Variants in RPL21 observed in about 807,000 individuals in gnomAD.
RPL21 encodes ribosomal protein L21.
RPL21 carries 1 observed loss-of-function variant against 21.2 expected under a neutral mutation model. The observed-to-expected ratio is 0.05, with a 90% CI of 0.02 to 0.22. The LOEUF is 0.22. Ranked by LOEUF, RPL21 falls within the 10% of genes least tolerant of loss-of-function variation. RPL21 has a pLI of 1.00. For missense variants in RPL21, 113 were observed against 199.4 expected (o/e 0.57, Z 2.61); for synonymous variants, 52 against 62.9 (o/e 0.83, Z 0.82).
intron 1 of RPL21, 132 bp downstream of exon 1, chr13:27,251,717 G>C (rs1237540542): frequency 6.5e-6 from 1 of 152,780 alleles, no homozygotes; most frequent in African/African-American, 2.4e-5. Flanking sequence ...GGCATGGGCG[G>C]GTTAAACCAT....
At chr13:27,254,392 ATTT>A (rs555263610) in intron 3 of RPL21, 111 bp downstream of exon 3, 53 of 286,796 alleles carry the variant, frequency 1.8e-4, no homozygotes, top group Middle Eastern at 1.1e-3. Flanking sequence ...TATAGAATGG[ATTT>A]TTTTTTTTTT....
intron 1 of RPL21, among the ~76,000 whole-genome samples, chr13:27,253,378 GC>G (rs147774699): frequency 0.016 from 2,372 of 152,288 alleles, 65 homozygotes; most frequent in African/African-American, 0.053. Context: ...AAAATGTAAG[GC>G]TGTTTTATTG....
intron 4 of RPL21, chr13:27,255,837 G>A (rs558790366): frequency 8.7e-4 from 286 of 328,308 alleles, no homozygotes; most frequent in African/African-American, 5.5e-3. Context: ...CTCCCAAAGT[G>A]CTGGGATTAC....
In RPL21 at chr13:27,255,267, T is replaced by C; in HGVS notation, c.155T>C (p.Met52Thr). 4.2e-6 allele frequency: 6 copies of C among 1,412,794 alleles called. No individual in the cohort carries two copies. The highest frequency in any genetic ancestry group is 6.0e-6 in the Non-Finnish European group (6 of 996,418). The allele number at this position is 1,412,794 out of a possible 1,614,324, so 87.5% of individuals were successfully genotyped here. Residue 52 changes from methionine (M) to threonine (T), a missense_variant, in exon 4 of 6, where the codon ATG (methionine) becomes ACG (threonine). Transcript: ENST00000311549. Reference protein sequence around the residue: ...IKGMGTVQKGMPHKCYHGKTG... With the variant: ...IKGMGTVQKGTPHKCYHGKTG... ...GGAATGGGTACTGTTCAAAAAGGAA[T>C]GCCCCACAAGTGTTACCATGGCAAA...
chr13:27,254,151 G>C, intron 2 of RPL21, 69 bp from the exon 3 acceptor site: 1 of 970,000 alleles, frequency 1.0e-6, no homozygotes, highest in Non-Finnish European at 1.7e-6. Context: ...TTAAAAGCTA[G>C]TAAAATTGCA....
chr13:27,255,681 C>T (rs968006370), intron 4 of RPL21: 2 of 393,568 alleles, frequency 5.1e-6, no homozygotes, highest in African/African-American at 4.2e-5. Flanking sequence ...ACGCCATTCT[C>T]CTGCCTCAGC....
chr13:27,256,347 T>C lies in RPL21; in HGVS notation c.393+13T>C, dbSNP rs1002343812. ...ACTAAAGCGCCAGGTAAGAATTTGG[T>C]GTATATTTCATTGGTTCTGAGAGCA... On this transcript the variant is annotated intron_variant, in intron 5 of 5. Coordinates refer to ENST00000311549, the MANE Select transcript of RPL21 (RefSeq NM_000982.4). 1.4e-5 allele frequency: 23 copies of C among 1,609,358 alleles called. No individual in the cohort carries two copies. Among genetic ancestry groups the C allele is most frequent in the Non-Finnish European group, 1.9e-5 (22 of 1,176,230 alleles).
chr13:27,253,379 C>T (rs1174912734), intron 1 of RPL21, among the ~76,000 whole-genome samples: 2 of 147,562 alleles, frequency 1.4e-5, no homozygotes, highest in Non-Finnish European at 1.5e-5. Context: ...AAATGTAAGG[C>T]TGTTTTATTG....
chr13:27,255,624 T>C lies in RPL21; in HGVS notation c.242+270T>C, dbSNP rs998423166. 1.4e-4 allele frequency: 74 copies of C among 546,612 alleles called. No individual in the cohort carries two copies. In the Admixed American group the frequency reaches 1.5e-3, roughly 11 times the overall value. The allele number at this position is 546,612 out of a possible 1,614,324, so 33.9% of individuals were successfully genotyped here. A position where few individuals can be genotyped will look rare whatever the true frequency, so the allele number is the denominator to read the frequency against. On this transcript the variant is annotated intron_variant, in intron 4 of 5. Coordinates refer to ENST00000311549, the MANE Select transcript of RPL21 (RefSeq NM_000982.4). Reference sequence around the variant, plus strand: ...TCTTGCTCTGTCGCCCTGGCTGGAGTGCAGTGGTGGGATCTCTGCTCTCTG... The same window carrying C: ...TCTTGCTCTGTCGCCCTGGCTGGAGCGCAGTGGTGGGATCTCTGCTCTCTG...
chr13:27,256,376 T>G, intron 5 of RPL21, 42 bp downstream of exon 5: 1 of 1,595,308 alleles, frequency 6.3e-7, no homozygotes, highest in Middle Eastern at 1.7e-4. Context: ...GAGAGCACTT[T>G]AAGGTTGAGA....
intron 1 of RPL21, among the ~76,000 whole-genome samples, chr13:27,252,120 G>A (rs1323604629): frequency 6.6e-6 from 1 of 152,172 alleles, no homozygotes; most frequent in Non-Finnish European, 1.5e-5. Context: ...CTCTCGGTCG[G>A]AGAGTGGGTC....
rs190032357 is a variant in RPL21 at position 27,252,794 on chromosome 13, G to T, written c.-12-971G>T. ...TTGCTATACAATTTTTATAAAAATG[G>T]TACTTTGGGAGCCATTCTTAAAGGA... On this transcript the variant is annotated intron_variant, in intron 1 of 5. Coordinates refer to ENST00000311549, the MANE Select transcript of RPL21 (RefSeq NM_000982.4). 4.6e-5 allele frequency among the ~76,000 whole-genome samples: 7 copies of T among 152,294 alleles called. No homozygotes were observed. In the East Asian group the frequency reaches 1.4e-3, roughly 29 times the overall value.
chr13:27,255,903 T>C (rs1329713360), intron 4 of RPL21: 1 of 372,004 alleles, frequency 2.7e-6, no homozygotes, highest in South Asian at 2.7e-5. Flanking sequence ...AAGAGAAGTT[T>C]AGTAAACTTT....
Position 27,256,313 on chromosome 13 carries a change from C to T in RPL21, c.372C>T (p.Thr124=), listed in dbSNP as rs1881898377. ...AGAAAGAAGCCAAAGAGAAAGGTACCTGGGTTCAACTAAAGCGCCAGGTAA... is the reference window on the plus strand; with the variant it reads ...AGAAAGAAGCCAAAGAGAAAGGTACTTGGGTTCAACTAAAGCGCCAGGTAA... ...QKKKEAKEKG[T]WVQLKRQPAP... is the part of the protein sequence containing the mutation. The change falls in exon 5 of 6, where the codon ACC becomes ACT. Residue 124 remains threonine, a synonymous_variant. Coordinates refer to ENST00000311549, the MANE Select transcript of RPL21 (RefSeq NM_000982.4). The T allele has an allele frequency of 6.2e-7, 1 of 1,609,852 alleles. No homozygotes were observed. The highest frequency in any genetic ancestry group is 8.5e-7 in the Non-Finnish European group (1 of 1,177,258).
intron 1 of RPL21, 158 bp from the exon 2 acceptor site, chr13:27,253,607 T>C (rs1881751884): frequency 1.6e-6 from 1 of 609,074 alleles, no homozygotes; most frequent in Non-Finnish European, 3.0e-6. Flanking sequence ...GCTAAAATAA[T>C]GATTTTTTAA....
chr13:27,253,615 T>C, intron 1 of RPL21, 150 bp from the exon 2 acceptor site: 1 of 627,750 alleles, frequency 1.6e-6, no homozygotes, highest in Non-Finnish European at 2.9e-6. Context: ...AATGATTTTT[T>C]AACCTTTCAA....
intron 5 of RPL21, 49 bp downstream of exon 5, chr13:27,256,383 G>A: frequency 6.3e-7 from 1 of 1,579,920 alleles, no homozygotes; most frequent in South Asian, 1.1e-5. Flanking sequence ...CTTTAAGGTT[G>A]AGATTTAACA....
chr13:27,251,879 G>C (rs186329740), intron 1 of RPL21: 1 of 152,416 alleles, frequency 6.6e-6, no homozygotes, highest in East Asian at 1.9e-4. Context: ...ATCTTTAAAA[G>C]ACTTCGTTTT....
At chr13:27,255,538 T>C (rs1436463065) in intron 4 of RPL21, 184 bp downstream of exon 4, 1 of 752,354 alleles carries the variant, frequency 1.3e-6, no homozygotes, top group Admixed American at 1.7e-5. Flanking sequence ...GAAATAGATT[T>C]ACTGGAAAGT....
Sources: gnomAD v4.1 joint callset for allele counts (sites outside exome capture counted in the v4.1 genomes callset) on GRCh38, gnomAD v4.1.1 for gene constraint, MANE v1.5 for transcripts, NCBI Gene and HGNC (gene_info 2026-07-23, HGNC 2026-07-21) for gene names.